The following PTPRT variants were observed in gnomAD, a reference collection of about 807,000 sequenced individuals.
PTPRT encodes the protein protein tyrosine phosphatase receptor type T, also known as receptor-type tyrosine-protein phosphatase T.
In PTPRT, 56 loss-of-function variants were observed where a neutral mutation model predicts 176.8. The observed-to-expected ratio is 0.32, with a 90% CI of 0.26 to 0.40. The LOEUF is 0.40. Among genes scored for constraint, PTPRT ranks in the 10% least tolerant of loss-of-function variants. The pLI is 1.00. For missense variants in PTPRT, 1,540 were observed against 1,908.2 expected, an observed-to-expected ratio of 0.81 and a Z score of 3.60; for synonymous variants, 783 against 739.0, an observed-to-expected ratio of 1.06 and a Z score of -0.96.
intron 7 of PTPRT, among the ~76,000 whole-genome samples, chr20:42,511,907 T>G (rs761579714): frequency 8.5e-5 from 13 of 152,086 alleles, no homozygotes; most frequent in Non-Finnish European, 1.8e-4. Context: ...GAACGTATAG[T>G]GTGTACATTA....
chr20:42,100,832 A>T (rs1402680621), intron 26 of PTPRT, among the ~76,000 whole-genome samples: 3 of 152,204 alleles, frequency 2.0e-5, no homozygotes, highest in Non-Finnish European at 4.4e-5. Flanking sequence ...ACTTGCTATG[A>T]CCAAGCCAAG....
chr20:42,813,343 G>A (rs1159686414), intron 2 of PTPRT, among the ~76,000 whole-genome samples: 1 of 151,874 alleles, frequency 6.6e-6, no homozygotes, highest in Non-Finnish European at 1.5e-5. Flanking sequence ...CCTTGCCCTT[G>A]TATATTACAG....
intron 8 of PTPRT, among the ~76,000 whole-genome samples, chr20:42,456,208 T>C (rs944283482): frequency 6.6e-6 from 1 of 152,036 alleles, no homozygotes; most frequent in Non-Finnish European, 1.5e-5. Flanking sequence ...ACTTGTTAGG[T>C]TAATAGAAAT....
At chr20:42,173,822 G>T (rs1445758138) in intron 16 of PTPRT, among the ~76,000 whole-genome samples, 1 of 152,080 alleles carries the variant, frequency 6.6e-6, no homozygotes, top group Non-Finnish European at 1.5e-5. Context: ...GCCCTTTTTG[G>T]TAACATGTAG....
intron 4 of PTPRT, 143 bp from the exon 5 acceptor site, chr20:42,771,693 T>C: frequency 3.0e-6 from 2 of 660,510 alleles, no homozygotes; most frequent in South Asian, 1.8e-5. Context: ...AAGATTTCAT[T>C]GATCACTTAT....
intron 1 of PTPRT, among the ~76,000 whole-genome samples, chr20:42,930,198 T>C (rs1379518588): frequency 1.3e-5 from 2 of 152,212 alleles, no homozygotes; most frequent in African/African-American, 4.8e-5. Context: ...TGACAACTTT[T>C]GACAGCAGCC....
intron 5 of PTPRT, among the ~76,000 whole-genome samples, chr20:42,769,938 C>A (rs367649534): frequency 6.6e-6 from 1 of 152,096 alleles, no homozygotes; most frequent in African/African-American, 2.4e-5. Context: ...AGCAGATTGG[C>A]GGTTGCTTGT....
At chr20:42,861,593 C>T (rs1479791774) in intron 2 of PTPRT, among the ~76,000 whole-genome samples, 1 of 151,214 alleles carries the variant, frequency 6.6e-6, no homozygotes, top group Non-Finnish European at 1.5e-5. Context: ...GCCTTCTGCC[C>T]TTATGTTCTC....
intron 11 of PTPRT, among the ~76,000 whole-genome samples, chr20:42,340,955 T>G (rs904598385): frequency 1.3e-5 from 2 of 152,174 alleles, no homozygotes; most frequent in South Asian, 4.1e-4. Context: ...TTATAAGAAC[T>G]ACATCTACTT....
intron 7 of PTPRT, among the ~76,000 whole-genome samples, chr20:42,607,203 G>T (rs778463474): frequency 6.6e-6 from 1 of 152,146 alleles, no homozygotes; most frequent in Non-Finnish European, 1.5e-5. Flanking sequence ...GGGAAATGAA[G>T]AGTTCGTATT....
the PTPRT span, among the ~76,000 whole-genome samples, chr20:42,067,624 G>A: frequency 6.6e-6 from 1 of 152,172 alleles, no homozygotes. Flanking sequence ...ATATGAGATG[G>A]CAGGACTCCT....
At chr20:43,117,956 C>A (rs1186881388) in intron 1 of PTPRT, among the ~76,000 whole-genome samples, 1 of 152,162 alleles carries the variant, frequency 6.6e-6, no homozygotes, top group Admixed American at 6.5e-5. Flanking sequence ...CTCAGCCATA[C>A]ACAGCTTGGG....
chr20:42,856,277 G>A (rs936223178), intron 2 of PTPRT, among the ~76,000 whole-genome samples: 2 of 152,090 alleles, frequency 1.3e-5, no homozygotes, highest in African/African-American at 4.8e-5. Context: ...AATAGCAAAG[G>A]CAAATTCAGC....
intron 9 of PTPRT, among the ~76,000 whole-genome samples, chr20:42,433,528 T>C (rs1329998159): frequency 6.6e-6 from 1 of 152,140 alleles, no homozygotes; most frequent in Non-Finnish European, 1.5e-5. Flanking sequence ...TGGAAGAGCA[T>C]GCCCTGATTG....
chr20:43,042,994 C>T (rs969690491), intron 1 of PTPRT, among the ~76,000 whole-genome samples: 1 of 152,076 alleles, frequency 6.6e-6, no homozygotes, highest in Non-Finnish European at 1.5e-5. Flanking sequence ...GTGTACTGGG[C>T]AATAGCCCAT....
chr20:42,345,366 T>TACACACACAC (rs35901100), intron 11 of PTPRT, among the ~76,000 whole-genome samples: 172 of 134,098 alleles, frequency 1.3e-3, no homozygotes, highest in African/African-American at 4.1e-3. Context: ...AAGGCATATA[T>TACACACACAC]ACACACACAC....
intron 7 of PTPRT, among the ~76,000 whole-genome samples, chr20:42,653,613 G>A (rs571147427): frequency 6.6e-5 from 10 of 152,314 alleles, no homozygotes; most frequent in African/African-American, 1.7e-4. Flanking sequence ...CCCTGACAGC[G>A]TATTAAGATA....
chr20:42,887,623 C>G (rs898768711), intron 1 of PTPRT, among the ~76,000 whole-genome samples: 5 of 152,186 alleles, frequency 3.3e-5, no homozygotes, highest in African/African-American at 1.2e-4. Flanking sequence ...CTCTGCACCC[C>G]AGACCTGAGA....
chr20:43,083,576 C>G (rs2011525439), intron 1 of PTPRT, among the ~76,000 whole-genome samples: 1 of 151,582 alleles, frequency 6.6e-6, no homozygotes, highest in Non-Finnish European at 1.5e-5. Flanking sequence ...GCAGGCTGGT[C>G]TCAAACTCCT....
Sources: allele counts gnomAD v4.1 joint callset (sites outside exome capture counted in the v4.1 genomes callset), GRCh38; gene constraint gnomAD v4.1.1; transcripts MANE v1.5; gene names NCBI Gene and HGNC (gene_info 2026-07-23, HGNC 2026-07-21).